The following OXR1 variants were observed in gnomAD, a reference collection of about 807,000 sequenced individuals.
OXR1 encodes oxidation resistance protein 1.
Under a neutral mutation model 104.6 loss-of-function variants are expected in OXR1, and 41 were observed. The ratio of observed to expected loss-of-function variants is 0.39; its 90% CI spans 0.31 to 0.51. The LOEUF is 0.51. OXR1 is among the 20% of genes least tolerant of loss of function. The pLI is 0.77. For synonymous variants in OXR1, 348 were observed against 348.4 expected (o/e 1.00, Z 0.01); for missense variants, 955 against 1,031.9 (o/e 0.93, Z 1.02).
chr8:106,667,389 A>G (rs1380168900), intron 3 of OXR1, among the ~76,000 whole-genome samples: 1 of 152,150 alleles, frequency 6.6e-6, no homozygotes, highest in Non-Finnish European at 1.5e-5. Flanking sequence ...TTTTCTTTAC[A>G]AGTACTTGGG....
At chr8:106,692,697 T>C in intron 6 of OXR1, 31 bp from the exon 7 acceptor site, 1 of 1,394,536 alleles carries the variant, frequency 7.2e-7, no homozygotes, top group Non-Finnish European at 9.6e-7. Context: ...TTTCTGCTTT[T>C]TTTTTTCTTT....
intron 2 of OXR1, among the ~76,000 whole-genome samples, chr8:106,500,886 C>G (rs1045879149): frequency 6.6e-6 from 1 of 152,132 alleles, no homozygotes; most frequent in African/African-American, 2.4e-5. Context: ...TCAACTCTTA[C>G]ATCATTAGTA....
At chr8:106,317,582 T>C (rs893971366) in intron 1 of OXR1, among the ~76,000 whole-genome samples, 1 of 152,164 alleles carries the variant, frequency 6.6e-6, no homozygotes, top group Non-Finnish European at 1.5e-5. Flanking sequence ...CCTTGCTTCA[T>C]CTCCGAGGTG....
intron 2 of OXR1, among the ~76,000 whole-genome samples, chr8:106,365,169 T>C (rs925423349): frequency 6.6e-6 from 1 of 152,124 alleles, no homozygotes; most frequent in Non-Finnish European, 1.5e-5. Flanking sequence ...AAGGCTGATA[T>C]TTCTAATTTT....
At chr8:106,371,573 C>T (rs965116850) in intron 2 of OXR1, among the ~76,000 whole-genome samples, 4 of 152,156 alleles carry the variant, frequency 2.6e-5, no homozygotes, top group African/African-American at 9.7e-5. Context: ...CGCTATGTCC[C>T]AGAGATTCTG....
In OXR1 at chr8:106,692,214, G is replaced by A. The variant is rs1315160193; in HGVS notation, c.526-514G>A. ...AAGAAACTTGTGATCTAGTGGAATGGGATTTATCAACTGTAGCTCGAGATT... is the reference window on the plus strand; with the variant it reads ...AAGAAACTTGTGATCTAGTGGAATGAGATTTATCAACTGTAGCTCGAGATT... On this transcript the variant is annotated intron_variant, in intron 6 of 16. Transcript: ENST00000517566. Among the ~76,000 whole-genome samples, 5 of 151,852 alleles carry A rather than the reference G, an allele frequency of 3.3e-5. 1 individual carries two copies. The South Asian group carries it at 1.0e-3, about 32-fold the overall frequency.
intron 2 of OXR1, among the ~76,000 whole-genome samples, chr8:106,437,340 A>G (rs1320171158): frequency 2.0e-5 from 3 of 152,160 alleles, no homozygotes; most frequent in Non-Finnish European, 2.9e-5. Context: ...CTAATTTCAT[A>G]GATATCTTTG....
chr8:106,699,423 A>C (rs554747731), intron 7 of OXR1, among the ~76,000 whole-genome samples: 1 of 152,238 alleles, frequency 6.6e-6, no homozygotes, highest in East Asian at 1.9e-4. Flanking sequence ...TGTGGACTGG[A>C]AACTTTCTCC....
intron 15 of OXR1, among the ~76,000 whole-genome samples, chr8:106,743,615 C>T (rs1835128316): frequency 6.6e-6 from 1 of 152,114 alleles, no homozygotes; most frequent in Admixed American, 6.5e-5. Flanking sequence ...GCCACCACGC[C>T]CAACTGAAAA....
intron 2 of OXR1, among the ~76,000 whole-genome samples, chr8:106,391,439 T>C (rs932403390): frequency 1.3e-5 from 2 of 152,126 alleles, no homozygotes; most frequent in Non-Finnish European, 2.9e-5. Flanking sequence ...CTGTGTTCCA[T>C]GACCATGACA....
chr8:106,310,974 T>C (rs941849063), intron 1 of OXR1, among the ~76,000 whole-genome samples: 3 of 152,184 alleles, frequency 2.0e-5, no homozygotes, highest in Non-Finnish European at 2.9e-5. Flanking sequence ...ACTTCAGTTC[T>C]AGTGTATTTT....
At chr8:106,469,843 T>G (rs955104817) in intron 2 of OXR1, among the ~76,000 whole-genome samples, 2 of 151,862 alleles carry the variant, frequency 1.3e-5, no homozygotes, top group African/African-American at 4.8e-5. Flanking sequence ...AATAAAGAAG[T>G]TGGTCAGACA....
intron 3 of OXR1, among the ~76,000 whole-genome samples, chr8:106,620,786 TTATC>T (rs991309325): frequency 9.2e-5 from 14 of 152,180 alleles, no homozygotes; most frequent in African/African-American, 2.2e-4. Context: ...AATAATTTCT[TTATC>T]TATAAATTAA....
intron 3 of OXR1, among the ~76,000 whole-genome samples, chr8:106,658,757 C>G (rs527420609): frequency 1.3e-5 from 2 of 151,916 alleles, no homozygotes; most frequent in African/African-American, 2.4e-5. Flanking sequence ...GGTGGCAGAA[C>G]CTAGAAACTT....
intron 1 of OXR1, among the ~76,000 whole-genome samples, chr8:106,309,778 C>A (rs1385805153): frequency 6.7e-6 from 1 of 150,316 alleles, no homozygotes; most frequent in Admixed American, 6.6e-5. Flanking sequence ...AATATATATA[C>A]ACATATATAA....
intron 2 of OXR1, among the ~76,000 whole-genome samples, chr8:106,384,833 G>A (rs1333569117): frequency 6.6e-6 from 1 of 150,708 alleles, no homozygotes; most frequent in East Asian, 2.0e-4. Flanking sequence ...TCCTGCCTCA[G>A]CCTCCTGAGT....
intron 11 of OXR1, among the ~76,000 whole-genome samples, chr8:106,721,042 C>T (rs1174141435): frequency 6.6e-6 from 1 of 152,028 alleles, no homozygotes; most frequent in African/African-American, 2.4e-5. Flanking sequence ...TATCAGCATC[C>T]ACCCCAAGTA....
chr8:106,566,720 C>T (rs1817102085), intron 3 of OXR1, among the ~76,000 whole-genome samples: 2 of 152,178 alleles, frequency 1.3e-5, no homozygotes. Flanking sequence ...GGAACCAACC[C>T]AAATGCCCAT....
At position 106,530,288 on chromosome 8, in the gene OXR1, T is replaced by C. The variant is rs757022542; in HGVS notation, c.220+11149T>C. Among the ~76,000 whole-genome samples, 4 of 152,294 alleles carry C rather than the reference T, an allele frequency of 2.6e-5. No homozygotes were observed. In the South Asian group the frequency reaches 8.3e-4, roughly 32 times the overall value. On this transcript the variant is annotated intron_variant, in intron 3 of 16. Coordinates refer to ENST00000517566, the MANE Select transcript of OXR1 (RefSeq NM_001198533.2). ...TTCCCACGTTGTACCTAAGGATATA[T>C]ATTTTCTTATTTGTTTTTTCTTCTT...
Sources: allele counts gnomAD v4.1 joint callset (sites outside exome capture counted in the v4.1 genomes callset), GRCh38; gene constraint gnomAD v4.1.1; transcripts MANE v1.5; gene names NCBI Gene and HGNC (gene_info 2026-07-23, HGNC 2026-07-21).